Variants in TNKS observed in about 807,000 individuals in gnomAD.
TNKS encodes the protein tankyrase, also known as poly [ADP-ribose] polymerase tankyrase-1.
TNKS carries 72 observed loss-of-function variants against 135.8 expected under a neutral mutation model. The observed-to-expected ratio is 0.53, with a 90% confidence interval of 0.44 to 0.64. The LOEUF (loss-of-function observed/expected upper bound fraction) is 0.64. TNKS is among the 30% of genes least tolerant of loss of function. The pLI is 0.00. For synonymous variants in TNKS, 849 were observed against 649.3 expected, an observed-to-expected ratio of 1.31 and a Z score of -4.68; for missense variants, 1,769 against 1,674.0, an observed-to-expected ratio of 1.06 and a Z score of -0.99.
rs745990324 is a variant in TNKS at position 9,580,345 on chromosome 8, A to G, written c.860A>G (p.His287Arg). Reference sequence around the variant, plus strand: ...GATAACTGGAACTATACACCTCTGCATGAAGCTGCTATTAAAGGGAAGATC... The same window carrying G: ...GATAACTGGAACTATACACCTCTGCGTGAAGCTGCTATTAAAGGGAAGATC... ...ARDNWNYTPL[H>R]EAAIKGKIDV... Residue 287 changes from histidine (H) to arginine (R), a missense_variant, in exon 2 of 27, where the codon CAT becomes CGT. Around this residue, in one of 5 missense-constraint regions of TNKS, gnomAD observed 523 missense variants for 541.0 expected, o/e 0.97. Transcript: ENST00000310430. The G allele has an allele frequency of 6.2e-7, 1 of 1,614,202 alleles. No individual in the cohort carries two copies. Among genetic ancestry groups the G allele is most frequent in the Non-Finnish European group, 8.5e-7 (1 of 1,180,028 alleles).
At chr8:9,602,417 C>G (rs187491627) in intron 2 of TNKS, among the ~76,000 whole-genome samples, 1 of 152,192 alleles carries the variant, frequency 6.6e-6, no homozygotes, top group Non-Finnish European at 1.5e-5. Context: ...AGAAAGCCCA[C>G]GCCTCCTCAC....
intron 13 of TNKS, among the ~76,000 whole-genome samples, chr8:9,728,568 A>G (rs1006888446): frequency 8.5e-5 from 13 of 152,216 alleles, no homozygotes; most frequent in Admixed American, 6.5e-5. Context: ...CCAGTGGGGG[A>G]AAGCAGCATT....
At chr8:9,611,412 A>G (rs1449509762) in intron 2 of TNKS, among the ~76,000 whole-genome samples, 2 of 152,162 alleles carry the variant, frequency 1.3e-5, no homozygotes, top group Non-Finnish European at 2.9e-5. Context: ...TATTTGTGCT[A>G]CTTTTTAAAA....
chr8:9,775,048 G>A (rs1046157919), intron 26 of TNKS, among the ~76,000 whole-genome samples: 1 of 152,088 alleles, frequency 6.6e-6, no homozygotes, highest in African/African-American at 2.4e-5. Context: ...TTCTTATGTG[G>A]TAGATGCTCA....
intron 5 of TNKS, among the ~76,000 whole-genome samples, chr8:9,698,782 T>G (rs1803652638): frequency 6.6e-6 from 1 of 152,220 alleles, no homozygotes; most frequent in Admixed American, 6.5e-5. Flanking sequence ...CCTTAAATGC[T>G]TTATACTGCA....
At position 9,627,540 on chromosome 8, in the gene TNKS, ATTGCTTGCTTGCTTGC is replaced by A. The variant is rs36130596; in HGVS notation, c.994+11899_994+11914del. Among the ~76,000 whole-genome samples the A allele has an allele frequency of 3.0e-3, 438 of 148,334 alleles. 3 individuals carry two copies. The highest frequency in any genetic ancestry group is 8.8e-3 in the African/African-American group (353 of 40,292). On this transcript the variant is annotated intron_variant, in intron 3 of 26. Transcript: ENST00000310430. ...CCATCCTGCTGTTGCCTGTGGCAAA[ATTGCTTGCTTGCTTGC>A]TTGCTTGCTTGCTTGCTTGCTTGCT...
At chr8:9,666,645 C>A (rs1202095207) in intron 3 of TNKS, among the ~76,000 whole-genome samples, 4 of 151,840 alleles carry the variant, frequency 2.6e-5, no homozygotes, top group African/African-American at 9.7e-5. Flanking sequence ...GCTTGAAACC[C>A]AGGAGGCAGA....
intron 5 of TNKS, among the ~76,000 whole-genome samples, chr8:9,689,515 G>C (rs895285466): frequency 6.6e-6 from 1 of 151,998 alleles, no homozygotes; most frequent in Admixed American, 6.6e-5. Context: ...GCTTTAATTT[G>C]TTAATAGTAA....
Position 9,649,671 on chromosome 8 carries a change from T to C in TNKS, c.995-30280T>C, listed in dbSNP as rs145145449. On this transcript the variant is annotated intron_variant, in intron 3 of 26. Transcript: ENST00000310430. ...CCCAAAGTCCATTATGTCATTCTTATGCCTTTGCATCCATATAGCTTAGCT... is the reference window on the plus strand; with the variant it reads ...CCCAAAGTCCATTATGTCATTCTTACGCCTTTGCATCCATATAGCTTAGCT... 7.5e-4 allele frequency among the ~76,000 whole-genome samples: 114 copies of C among 151,932 alleles called. 1 individual carries two copies. The highest frequency in any genetic ancestry group is 2.4e-3 in the African/African-American group (98 of 41,398).
intron 3 of TNKS, among the ~76,000 whole-genome samples, chr8:9,652,281 C>G (rs115997341): frequency 6.6e-6 from 1 of 152,086 alleles, no homozygotes; most frequent in African/African-American, 2.4e-5. Context: ...AAGGTTTTAT[C>G]GATCTCAATA....
chr8:9,742,738 T>G (rs1806032678), intron 17 of TNKS, among the ~76,000 whole-genome samples: 1 of 148,748 alleles, frequency 6.7e-6, no homozygotes, highest in African/African-American at 2.4e-5. Flanking sequence ...TTATTTAAAA[T>G]ATAATGAATT....
intron 11 of TNKS, chr8:9,710,475 G>T: frequency 1.8e-6 from 1 of 567,290 alleles, no homozygotes; most frequent in Non-Finnish European, 3.1e-6. Context: ...ATTTGAAATA[G>T]ATTTCATCTT....
intron 3 of TNKS, among the ~76,000 whole-genome samples, chr8:9,626,261 C>T (rs755889927): frequency 6.6e-6 from 1 of 152,150 alleles, no homozygotes; most frequent in Non-Finnish European, 1.5e-5. Context: ...TTTTTCGATT[C>T]TTTTACTTTC....
intron 15 of TNKS, 50 bp from the exon 16 acceptor site, chr8:9,734,815 C>T (rs1805611454): frequency 6.7e-7 from 1 of 1,493,340 alleles, no homozygotes. Flanking sequence ...TACCTACCTA[C>T]CTACTTACTA....
intron 5 of TNKS, among the ~76,000 whole-genome samples, chr8:9,698,929 A>C (rs1173309848): frequency 6.6e-6 from 1 of 152,344 alleles, no homozygotes; most frequent in East Asian, 1.9e-4. Context: ...TATGATATGA[A>C]GATATCAGTG....
At chr8:9,707,137 C>A in intron 8 of TNKS, 140 bp downstream of exon 8, 1 of 729,812 alleles carries the variant, frequency 1.4e-6, no homozygotes, top group Non-Finnish European at 2.1e-6. Flanking sequence ...GTATACTTTT[C>A]TTCATGAATT....
chr8:9,668,888 A>G (rs1802132380), intron 3 of TNKS, among the ~76,000 whole-genome samples: 1 of 152,226 alleles, frequency 6.6e-6, no homozygotes, highest in African/African-American at 2.4e-5. Context: ...GATTTTGACT[A>G]TTCAGCTGTA....
intron 3 of TNKS, among the ~76,000 whole-genome samples, chr8:9,647,000 G>T (rs1408347348): frequency 6.6e-6 from 1 of 152,114 alleles, no homozygotes; most frequent in African/African-American, 2.4e-5. Context: ...AGCAAAGATG[G>T]CTAAACTAAA....
chr8:9,599,371 C>G (rs999901096), intron 2 of TNKS, among the ~76,000 whole-genome samples: 2 of 152,090 alleles, frequency 1.3e-5, no homozygotes, highest in Non-Finnish European at 2.9e-5. Context: ...TATATATTGT[C>G]ACATTTAATT....
Sources: allele counts gnomAD v4.1 joint callset (sites outside exome capture counted in the v4.1 genomes callset), GRCh38; gene constraint gnomAD v4.1.1; regional missense constraint gnomAD v4.1.1; transcripts MANE v1.5; gene names NCBI Gene and HGNC (gene_info 2026-07-23, HGNC 2026-07-21).